ATXN7L1: variants seen among roughly 807,000 people sequenced by gnomAD.
ATXN7L1 encodes ataxin 7 like 1.
ATXN7L1 carries 15 observed loss-of-function variants against 70.8 expected under a neutral mutation model. That is an observed-to-expected ratio of 0.21 (90% CI 0.14 to 0.33). The LOEUF (loss-of-function observed/expected upper bound fraction) is 0.33, where lower values mean the gene tolerates loss of function less well. Ranked by LOEUF, ATXN7L1 falls within the 10% of genes least tolerant of loss-of-function variation. The pLI, the probability that ATXN7L1 is intolerant of heterozygous loss-of-function variation, is 1.00. For missense variants in ATXN7L1, 975 were observed against 1,097.1 expected (o/e 0.89, Z 1.57); for synonymous variants, 440 against 445.1 (o/e 0.99, Z 0.14).
intron 3 of ATXN7L1, among the ~76,000 whole-genome samples, chr7:105,744,219 C>T (rs2116367946): frequency 6.6e-6 from 1 of 152,246 alleles, no homozygotes; most frequent in Middle Eastern, 3.4e-3. Flanking sequence ...CTGTGTCCTT[C>T]TACACTACAA....
chr7:105,733,309 G>C (rs1179882977), intron 3 of ATXN7L1, among the ~76,000 whole-genome samples: 2 of 152,212 alleles, frequency 1.3e-5, no homozygotes, highest in East Asian at 3.8e-4. Context: ...GCATTTGTCA[G>C]TCCTTTCCAT....
At chr7:105,620,103 T>A in intron 9 of ATXN7L1, 97 bp downstream of exon 9, 1 of 1,412,922 alleles carries the variant, frequency 7.1e-7, no homozygotes, top group Non-Finnish European at 9.7e-7. Context: ...CATTTTGTTC[T>A]ATGAAAAGTC....
intron 2 of ATXN7L1, among the ~76,000 whole-genome samples, chr7:105,794,284 C>G (rs1229620305): frequency 6.6e-6 from 1 of 152,072 alleles, no homozygotes; most frequent in African/African-American, 2.4e-5. Context: ...GAGCCTGAAG[C>G]CAGAAACTGA....
chr7:105,735,075 G>C (rs528876579), intron 3 of ATXN7L1, among the ~76,000 whole-genome samples: 12 of 152,270 alleles, frequency 7.9e-5, no homozygotes, highest in African/African-American at 2.9e-4. Context: ...CTTCTCCTCT[G>C]TGCATTCTCA....
intron 4 of ATXN7L1, among the ~76,000 whole-genome samples, chr7:105,655,773 T>C (rs1407680647): frequency 6.6e-5 from 10 of 152,248 alleles, no homozygotes; most frequent in Middle Eastern, 3.4e-3. Context: ...CCAGAGTGCT[T>C]ACACTCCCTC....
chr7:105,783,228 C>T (rs1803791015), intron 3 of ATXN7L1, among the ~76,000 whole-genome samples: 1 of 152,216 alleles, frequency 6.6e-6, no homozygotes, highest in African/African-American at 2.4e-5. Flanking sequence ...TTCTATTTTT[C>T]ACACTGGTGC....
chr7:105,791,095 T>C (rs1451183842), intron 2 of ATXN7L1, among the ~76,000 whole-genome samples: 1 of 152,234 alleles, frequency 6.6e-6, no homozygotes, highest in Non-Finnish European at 1.5e-5. Context: ...GACAGGTTTA[T>C]CATAGGCAAG....
chr7:105,720,090 C>A (rs1288016105), intron 3 of ATXN7L1, among the ~76,000 whole-genome samples: 1 of 152,196 alleles, frequency 6.6e-6, no homozygotes, highest in African/African-American at 2.4e-5. Flanking sequence ...GAGTGTGCTT[C>A]TTGCTTCTTT....
intron 9 of ATXN7L1, among the ~76,000 whole-genome samples, chr7:105,618,800 G>C (rs555718559): frequency 1.3e-5 from 2 of 152,144 alleles, no homozygotes; most frequent in Admixed American, 1.3e-4. Context: ...CCAGTGGGCC[G>C]GCCTTACATT....
At chr7:105,854,782 A>C (rs1343748453) in intron 2 of ATXN7L1, among the ~76,000 whole-genome samples, 1 of 151,242 alleles carries the variant, frequency 6.6e-6, no homozygotes, top group African/African-American at 2.5e-5. Context: ...AAGGCTCACA[A>C]GAGCTGATTG....
At chr7:105,781,244 G>A (rs2116463529) in intron 3 of ATXN7L1, among the ~76,000 whole-genome samples, 1 of 136,570 alleles carries the variant, frequency 7.3e-6, no homozygotes, top group South Asian at 2.3e-4. Flanking sequence ...AGAAGATAAG[G>A]ACCCCCCAAA....
rs548886885 is a variant in ATXN7L1, at chr7:105,609,204, C to G, written c.2548-1314G>C. Among the ~76,000 whole-genome samples the G allele has an allele frequency of 6.6e-4, 101 of 152,146 alleles. No homozygotes were observed. The South Asian group carries it at 0.012, about 18-fold the overall frequency. On this transcript the variant is annotated intron_variant, in intron 11 of 11. Transcript: ENST00000419735. ...TTTTTTTTTGAGACAAAGTCTCACT[C>G]TATTGCCCAGGCTGGAGTGCAATGG...
chr7:105,805,277 C>G (rs879319324), intron 2 of ATXN7L1, among the ~76,000 whole-genome samples: 2 of 152,204 alleles, frequency 1.3e-5, no homozygotes, highest in Non-Finnish European at 2.9e-5. Context: ...TTCCTGGGGG[C>G]AGGCGAGAAC....
intron 4 of ATXN7L1, 125 bp downstream of exon 4, chr7:105,664,941 C>A (rs1329958058): frequency 1.0e-6 from 1 of 985,798 alleles, no homozygotes. Context: ...CCTTTCATTC[C>A]TCAGTCCCCC....
At chr7:105,856,750 T>C (rs886494843) in intron 2 of ATXN7L1, among the ~76,000 whole-genome samples, 3 of 152,198 alleles carry the variant, frequency 2.0e-5, no homozygotes, top group Non-Finnish European at 2.9e-5. Flanking sequence ...CTGATTCTAA[T>C]AGAAAAGAAC....
Position 105,642,990 on chromosome 7 carries a change from G to A in ATXN7L1, c.710C>T (p.Thr237Ile). ...CAGGACAGGCTTAATTAAAGGAGGG[G>A]TGGAGACGGCAGAGGACGAGGTGGA... Reference protein sequence around the residue: ...ASSTSSSAVSTPPLIKPVLMS... With the variant: ...ASSTSSSAVSIPPLIKPVLMS... The change falls in exon 5 of 12, where the codon ACC becomes ATC. Residue 237 changes from threonine to isoleucine, a missense_variant. By Grantham distance (89) the Thr-to-Ile change is moderately conservative (BLOSUM62 -1). Transcript: ENST00000419735. 6.4e-7 allele frequency: 1 copy of A among 1,551,858 alleles called. No homozygotes were observed. Among genetic ancestry groups the A allele is most frequent in the Non-Finnish European group, 8.7e-7 (1 of 1,147,028 alleles).
intron 2 of ATXN7L1, among the ~76,000 whole-genome samples, chr7:105,820,299 A>G (rs895071415): frequency 6.6e-6 from 1 of 152,218 alleles, no homozygotes; most frequent in East Asian, 1.9e-4. Context: ...TTGGCTTAAT[A>G]TTCATACTGG....
chr7:105,732,911 A>T (rs1796738681), intron 3 of ATXN7L1, among the ~76,000 whole-genome samples: 2 of 152,272 alleles, frequency 1.3e-5, no homozygotes, highest in African/African-American at 4.8e-5. Context: ...TACTCCCCTA[A>T]AAAACTTCCT....
chr7:105,858,626 A>G (rs1816087397), intron 2 of ATXN7L1, among the ~76,000 whole-genome samples: 1 of 152,158 alleles, frequency 6.6e-6, no homozygotes, highest in Admixed American at 6.5e-5. Context: ...CCACCTTACG[A>G]AGTCATCCAT....
Sources: allele counts gnomAD v4.1 joint callset (sites outside exome capture counted in the v4.1 genomes callset), GRCh38; gene constraint gnomAD v4.1.1; transcripts MANE v1.5; gene names NCBI Gene and HGNC (gene_info 2026-07-23, HGNC 2026-07-21).